Variants in COL17A1 observed in about 807,000 individuals in gnomAD.
COL17A1 encodes collagen type XVII alpha 1 chain, also known as collagen alpha-1(XVII) chain.
In COL17A1, 181 loss-of-function variants were observed where a neutral mutation model predicts 218.4. The observed-to-expected ratio is 0.83, with a 90% confidence interval of 0.73 to 0.94. COL17A1 has a LOEUF of 0.94. Among genes scored for constraint, COL17A1 ranks in the 40% least tolerant of loss-of-function variants. The pLI is 0.00. For synonymous variants in COL17A1, 721 were observed against 731.0 expected (o/e 0.99, Z 0.22); for missense variants, 1,924 against 1,945.9 (o/e 0.99, Z 0.21).
At chr10:104,037,970 A>C (rs1051921145) in intron 45 of COL17A1, among the ~76,000 whole-genome samples, 197 bp from the exon 46 acceptor site, 1 of 152,190 alleles carries the variant, frequency 6.6e-6, no homozygotes, top group Admixed American at 6.5e-5. Flanking sequence ...CAGAGGCCTG[A>C]GCTGGGTCAA....
intron 17 of COL17A1, among the ~76,000 whole-genome samples, chr10:104,056,513 C>T (rs559192061): frequency 5.0e-4 from 76 of 151,782 alleles, no homozygotes; most frequent in African/African-American, 1.8e-3. Context: ...ACTCAGGAGG[C>T]GGAGGTTGCA....
At chr10:104,063,570 CTT>C in intron 11 of COL17A1, 175 bp downstream of exon 11, 6 of 1,009,932 alleles carry the variant, frequency 5.9e-6, no homozygotes, top group Non-Finnish European at 9.0e-6. Flanking sequence ...TCGCCTGAGA[CTT>C]TTCCCTTGGG....
rs944934805 is a variant in COL17A1 at position 104,053,111 on chromosome 10, A to C, written c.1859T>G (p.Met620Arg). 2.5e-6 allele frequency: 4 copies of C among 1,613,588 alleles called. No homozygotes were observed. The highest frequency in any genetic ancestry group is 2.5e-6 in the Non-Finnish European group (3 of 1,180,004). The change falls in exon 23 of 56, where the codon ATG (methionine) becomes AGG (arginine). Residue 620 changes from methionine (M) to arginine (R), a missense_variant. By Grantham distance (91) the Met-to-Arg change is moderately conservative. Transcript: ENST00000648076. ...GGGGCCTTCTCGCCCTCTCTGGCCC[A>C]TGGGGCCTTCCATGCCAGGATCTCC... ...SVGDPGMEGP[M>R]GQRGREGPMG...
chr10:104,078,553 G>T lies in COL17A1; in HGVS notation c.86C>A (p.Ser29Tyr), dbSNP rs762515039. ...AGGTAGTTACTTACTTGGTGGTAAG[G>T]ATGTAAGTCTTGTGGTTACTGTTTC... ...VTETVTTRLT[S>Y]LPPKGGTSNG... The change falls in exon 3 of 56, where the codon TCC becomes TAC. Residue 29 changes from serine to tyrosine, a missense_variant. By Grantham distance (144) the Ser-to-Tyr change is moderately radical. Coordinates refer to ENST00000648076, the MANE Select transcript of COL17A1 (RefSeq NM_000494.4). 1.2e-6 allele frequency: 2 copies of T among 1,614,174 alleles called. No individual in the cohort carries two copies.
chr10:104,059,869 CT>C (rs894513927), intron 14 of COL17A1, 151 bp from the exon 15 acceptor site: 3 of 1,039,366 alleles, frequency 2.9e-6, no homozygotes, highest in African/African-American at 3.2e-5. Flanking sequence ...TTCATCTCCC[CT>C]GATCTGTGTT....
chr10:104,072,746 C>T (rs1168618364), intron 7 of COL17A1, among the ~76,000 whole-genome samples: 2 of 152,166 alleles, frequency 1.3e-5, no homozygotes, highest in East Asian at 1.9e-4. Flanking sequence ...ACATTTCTCT[C>T]CTATATCATT....
rs2086271284 is a variant in COL17A1, at chr10:104,035,513, G to A, written c.3469C>T (p.Pro1157Ser). The A allele has an allele frequency of 1.2e-6, 2 of 1,614,018 alleles. No individual in the cohort carries two copies. The highest frequency in any genetic ancestry group is 1.7e-6 in the Non-Finnish European group (2 of 1,179,952). Residue 1157 changes from proline (P) to serine (S), a missense_variant, in exon 49 of 56, where the codon CCG becomes TCG. Coordinates refer to ENST00000648076, the MANE Select transcript of COL17A1 (RefSeq NM_000494.4). ...AGGAGCTCCTCATAGGAGGTTCCCG[G>A]CAAGCCAGGGGGCCCCGGGGGACCA... Reference protein sequence around the residue: ...LPGPPGPPGLPGTSYEELLSL... With the variant: ...LPGPPGPPGLSGTSYEELLSL...
intron 20 of COL17A1, 112 bp downstream of exon 20, chr10:104,054,869 T>A: frequency 6.5e-7 from 1 of 1,527,160 alleles, no homozygotes; most frequent in Non-Finnish European, 9.0e-7. Flanking sequence ...CTGTCCCATC[T>A]GTTGTCAAAT....
At position 104,039,097 on chromosome 10, in the gene COL17A1, A is replaced by G. The variant is rs1191558261; in HGVS notation, c.2921T>C (p.Leu974Pro). 8.7e-6 allele frequency: 14 copies of G among 1,614,198 alleles called. No individual in the cohort carries two copies. Among genetic ancestry groups the G allele is most frequent in the Non-Finnish European group, 1.2e-5 (14 of 1,180,006 alleles). The change falls in exon 44 of 56, where the codon CTT becomes CCT. Residue 974 changes from leucine (L) to proline (P), a missense_variant. Physicochemically the swap from Leu to Pro is moderately conservative, Grantham distance 98 (BLOSUM62 -3). Coordinates refer to ENST00000648076, the MANE Select transcript of COL17A1 (RefSeq NM_000494.4). ...DKGDPGVPGA[L>P]GIPSGPSEGG... ...TTCAGAAGGACCACTAGGAATGCCA[A>G]GAGCCCCTGGAACACCTGGATCACC...
chr10:104,072,642 TG>T (rs924534840), intron 7 of COL17A1, among the ~76,000 whole-genome samples: 5 of 152,194 alleles, frequency 3.3e-5, no homozygotes, highest in Non-Finnish European at 7.4e-5. Flanking sequence ...GAAGTCTAGG[TG>T]GGTCATTGTG....
In COL17A1 at chr10:104,064,576, T is replaced by G; in HGVS notation, c.628A>C (p.Thr210Pro). 6.2e-7 allele frequency: 1 copy of G among 1,613,562 alleles called. No individual in the cohort carries two copies. The highest frequency in any genetic ancestry group is 8.5e-7 in the Non-Finnish European group (1 of 1,179,754). ...SQSVSGTYDATILDANLPSHV... is the reference protein window; with the variant it reads ...SQSVSGTYDAPILDANLPSHV... ...GAGGGAAGGTTGGCATCCAGGATCGTTGCATCGTAGGTGCCTGACACTGGA... is the reference window on the plus strand; with the variant it reads ...GAGGGAAGGTTGGCATCCAGGATCGGTGCATCGTAGGTGCCTGACACTGGA... The change falls in exon 10 of 56, where the codon ACG becomes CCG. Residue 210 changes from threonine (T) to proline (P), a missense_variant. Physicochemically the swap from Thr to Pro is conservative, Grantham distance 38. Transcript: ENST00000648076.
intron 45 of COL17A1, 78 bp downstream of exon 45, chr10:104,038,328 A>T: frequency 6.3e-7 from 1 of 1,589,536 alleles, no homozygotes; most frequent in South Asian, 1.1e-5. Flanking sequence ...CATTTCTGTG[A>T]TGATACCACA....
intron 10 of COL17A1, among the ~76,000 whole-genome samples, chr10:104,064,094 C>A (rs530746503): frequency 6.6e-6 from 1 of 152,336 alleles, no homozygotes; most frequent in African/African-American, 2.4e-5. Context: ...AGTGACCCCA[C>A]TTTACAGAGA....
chr10:104,060,105 AG>A lies in COL17A1; in HGVS notation c.1141+13del. The A allele has an allele frequency of 2.5e-6, 4 of 1,613,948 alleles. No homozygotes were observed. Among genetic ancestry groups the A allele is most frequent in the Non-Finnish European group, 3.4e-6 (4 of 1,180,006 alleles). The stretch of plus-strand genomic sequence containing the variant: ...CTTTCTTCTGAAACCCAAGCCACAC[AG>A]GATCTGACGCACTTGCAGCGATGCT... On this transcript the variant is annotated intron_variant, in intron 14 of 55. Coordinates refer to ENST00000648076, the MANE Select transcript of COL17A1 (RefSeq NM_000494.4).
At chr10:104,055,142 A>G (rs895993955) in intron 19 of COL17A1, 135 bp from the exon 20 acceptor site, 5 of 1,504,186 alleles carry the variant, frequency 3.3e-6, no homozygotes, top group Non-Finnish European at 2.7e-6. Context: ...AGTCCCTCCC[A>G]GTCCCAGAGT....
chr10:104,050,554 G>T (rs569274162), intron 27 of COL17A1, 67 bp downstream of exon 27: 9 of 1,611,872 alleles, frequency 5.6e-6, no homozygotes, highest in Middle Eastern at 2.2e-4. Context: ...CTACAGTGAG[G>T]GTCCCATCTG....
intron 33 of COL17A1, among the ~76,000 whole-genome samples, chr10:104,045,270 C>T (rs2134593669): frequency 6.6e-6 from 1 of 152,314 alleles, no homozygotes; most frequent in Non-Finnish European, 1.5e-5. Flanking sequence ...TAACACTCCT[C>T]TCTGCCTGTA....
In COL17A1 at chr10:104,035,265, TG is replaced by T; in HGVS notation, c.3616del (p.His1206IlefsTer45). On this transcript the variant is annotated frameshift_variant, in exon 50 of 56. Coordinates refer to ENST00000648076, the MANE Select transcript of COL17A1 (RefSeq NM_000494.4). LOFTEE classifies it high-confidence loss of function. Reference sequence around the variant, plus strand: ...CATCCCACTCCACAGTGCCCTACTATGTAAGTAAGACGAGAGGTCCTCCACG... The same window carrying T: ...CATCCCACTCCACAGTGCCCTACTATTAAGTAAGACGAGAGGTCCTCCACG... ...ISVEDLSSYL[H>X]TAGLSFIPGP... 6.2e-7 allele frequency: 1 copy of T among 1,612,318 alleles called. No individual in the cohort carries two copies. The highest frequency in any genetic ancestry group is 8.5e-7 in the Non-Finnish European group (1 of 1,178,902).
At chr10:104,062,412 C>T in intron 11 of COL17A1, 83 bp from the exon 12 acceptor site, 1 of 1,573,062 alleles carries the variant, frequency 6.4e-7, no homozygotes, top group Non-Finnish European at 8.7e-7. Flanking sequence ...AGTCCCAAAC[C>T]ACTTTCATGA....
Sources: allele counts gnomAD v4.1 joint callset (sites outside exome capture counted in the v4.1 genomes callset), GRCh38; gene constraint gnomAD v4.1.1; transcripts MANE v1.5; gene names NCBI Gene and HGNC (gene_info 2026-07-23, HGNC 2026-07-21).